The following SCN9A variants were observed in gnomAD, a reference collection of about 807,000 sequenced individuals.
The protein encoded by SCN9A is sodium channel protein type 9 subunit alpha.
In SCN9A, 131 loss-of-function variants were observed where a neutral mutation model predicts 187.0. The observed-to-expected ratio is 0.70, with a 90% confidence interval of 0.61 to 0.81. The LOEUF (loss-of-function observed/expected upper bound fraction) is 0.81. Ranked by LOEUF, SCN9A falls within the 30% of genes least tolerant of loss-of-function variation. The pLI is 0.00. For missense variants in SCN9A, 2,252 were observed against 2,396.6 expected (o/e 0.94, Z 1.26); for synonymous variants, 809 against 808.6 (o/e 1.00, Z -0.01).
rs1695615709 is a variant in SCN9A, at chr2:166,242,594, A to G, written c.3535T>C (p.Trp1179Arg). ...NIESGKGKIW[W>R]NIRKTCYKIV... ...TTGTAGCAGGTTTTCCTGATGTTCC[A>G]CCAGATTTTTCCTTTCCCTGACTCT... The change falls in exon 19 of 27, where the codon TGG becomes CGG. Residue 1179 changes from tryptophan to arginine, a missense_variant. Physicochemically the swap from Trp to Arg is moderately radical, Grantham distance 101. Transcript: ENST00000642356. 6.4e-7 allele frequency: 1 copy of G among 1,561,662 alleles called. No individual in the cohort carries two copies. Among genetic ancestry groups the G allele is most frequent in the Non-Finnish European group, 8.7e-7 (1 of 1,152,384 alleles).
At chr2:166,219,256 A>T (rs1026245667) in intron 24 of SCN9A, among the ~76,000 whole-genome samples, 3 of 152,196 alleles carry the variant, frequency 2.0e-5, no homozygotes, top group Non-Finnish European at 4.4e-5. Flanking sequence ...TATTATAAAG[A>T]CACATGCACA....
rs1020237117 is a variant in SCN9A, at chr2:166,276,835, G to C, written c.2874+148C>G. 2.0e-5 allele frequency: 13 copies of C among 663,802 alleles called. No homozygotes were observed. The Admixed American group carries it at 3.7e-4, about 19-fold the overall frequency. 41.1% of individuals were successfully genotyped at this position (663,802 alleles called of 1,614,324 possible). On this transcript the variant is annotated intron_variant, in intron 16 of 26. Transcript: ENST00000642356. ...AATACAAAATTTCGTTCTCTTTCCT[G>C]TTCTTTCTTGTATTAAAATTATCAC...
chr2:166,311,628 A>G lies in SCN9A; in HGVS notation c.129T>C (p.Asp43=), dbSNP rs200826539. Residue 43 remains aspartate (D), a synonymous_variant, in exon 2 of 27, where the codon GAT becomes GAC. Coordinates refer to ENST00000642356, the MANE Select transcript of SCN9A (RefSeq NM_001365536.1). ...KEPKEEKKDD[D]EEAPKPSSDL... is the part of the protein sequence containing the mutation. ...CACTGCTTGGCTTTGGGGCTTCTTCATCATCATCTTTCTTTTCTTCTTTGG... is the reference window on the plus strand; with the variant it reads ...CACTGCTTGGCTTTGGGGCTTCTTCGTCATCATCTTTCTTTTCTTCTTTGG... The G allele has an allele frequency of 3.7e-4, 595 of 1,613,138 alleles. 3 individuals are homozygous for G. The highest frequency in any genetic ancestry group is 1.1e-3 in the South Asian group (99 of 91,044).
intron 1 of SCN9A, among the ~76,000 whole-genome samples, chr2:166,338,709 TC>T (rs1428168631): frequency 6.6e-6 from 1 of 152,208 alleles, no homozygotes; most frequent in East Asian, 1.9e-4. Context: ...TCTCTTTTTA[TC>T]TGCAACAGAA....
chr2:166,226,334 T>C (rs1574755666), intron 24 of SCN9A, among the ~76,000 whole-genome samples: 1 of 152,128 alleles, frequency 6.6e-6, no homozygotes. Flanking sequence ...AACCTATGGG[T>C]TTAACCTAAA....
At chr2:166,343,475 C>T (rs927159084) in intron 1 of SCN9A, among the ~76,000 whole-genome samples, 10 of 151,900 alleles carry the variant, frequency 6.6e-5, no homozygotes, top group African/African-American at 2.4e-4. Context: ...CAAGAGGGAA[C>T]CTTTGGTTTG....
intron 17 of SCN9A, among the ~76,000 whole-genome samples, chr2:166,264,454 C>G (rs1419671118): frequency 6.6e-6 from 1 of 151,968 alleles, no homozygotes; most frequent in Non-Finnish European, 1.5e-5. Flanking sequence ...GCATGTCTTT[C>G]TTGATTCTGA....
intron 1 of SCN9A, among the ~76,000 whole-genome samples, chr2:166,354,830 T>A (rs933831060): frequency 6.6e-6 from 1 of 152,312 alleles, no homozygotes; most frequent in African/African-American, 2.4e-5. Flanking sequence ...GTGACTAATT[T>A]GGGGTTATTA....
chr2:166,338,029 T>C (rs1332046942), intron 1 of SCN9A, among the ~76,000 whole-genome samples: 1 of 152,130 alleles, frequency 6.6e-6, no homozygotes, highest in South Asian at 2.1e-4. Context: ...GGCAGCACTC[T>C]TCCCAGGATA....
chr2:166,225,528 A>C (rs112451169), intron 24 of SCN9A, among the ~76,000 whole-genome samples: 3 of 152,134 alleles, frequency 2.0e-5, no homozygotes, highest in African/African-American at 7.2e-5. Flanking sequence ...TAAGTCACTT[A>C]ACCTCTGTGT....
rs2106335469 is a variant in SCN9A at position 166,198,696 on chromosome 2, T to A, written c.5943A>T (p.Lys1981Asn). ...TCTATTTTTTGCTTTCCTTGCTGTC[T>A]TTCCCTTTGTCTTCCTTTTCTGTTC... ...QDRTEKEDKG[K>N]DSKESKK is the part of the protein sequence containing the mutation. Residue 1981 changes from lysine (K) to asparagine (N), a missense_variant, in exon 27 of 27, where the codon AAA becomes AAT. By Grantham distance (94) the Lys-to-Asn change is moderately conservative. Around this residue, in one of 7 missense-constraint regions of SCN9A, gnomAD observed 345 missense variants for 344.6 expected, o/e 1.00. Transcript: ENST00000642356. 1 of 1,604,626 alleles carries A rather than the reference T, an allele frequency of 6.2e-7. No individual in the cohort carries two copies. The highest frequency in any genetic ancestry group is 2.2e-5 in the East Asian group (1 of 44,806).
At chr2:166,340,541 CCTTTCTTTCTTTCTTTCTTTCTTTCTTT>C (rs201511761) in intron 1 of SCN9A, among the ~76,000 whole-genome samples, 7 of 67,852 alleles carry the variant, frequency 1.0e-4, no homozygotes, top group South Asian at 4.1e-4. Flanking sequence ...CTTTTCTTTC[CCTTTCTTTCTTTCTTTCTTTCTTTCTTT>C]CTTTCTTTCT....
At chr2:166,319,159 C>A (rs146213117) in intron 1 of SCN9A, among the ~76,000 whole-genome samples, 13 of 151,872 alleles carry the variant, frequency 8.6e-5, no homozygotes, top group African/African-American at 3.1e-4. Context: ...ATTTCCTTAG[C>A]CATAATTGAC....
intron 1 of SCN9A, among the ~76,000 whole-genome samples, chr2:166,332,305 C>T (rs1340326595): frequency 6.6e-6 from 1 of 152,128 alleles, no homozygotes; most frequent in African/African-American, 2.4e-5. Context: ...CTCTAGTTTC[C>T]CAAAGCCTTC....
Position 166,199,142 on chromosome 2 carries a change from C to CA in SCN9A, c.5496dup (p.Gly1833TrpfsTer2). 1 of 1,614,178 alleles carries CA rather than the reference C, an allele frequency of 6.2e-7. No homozygotes were observed. The highest frequency in any genetic ancestry group is 8.5e-7 in the Non-Finnish European group (1 of 1,180,038). On this transcript the variant is annotated frameshift_variant, in exon 27 of 27. Transcript: ENST00000642356. LOFTEE classifies it high-confidence loss of function. Reference sequence around the variant, plus strand: ...ATGTCAAGACAATGGATCCGGTCACCACTAACCATGGGCAGATCCATGGCA... The same window carrying CA: ...ATGTCAAGACAATGGATCCGGTCACCAACTAACCATGGGCAGATCCATGGCA...
rs1211523310 is a variant in SCN9A at position 166,197,536 on chromosome 2, C to G, written c.*1136G>C. On this transcript the variant is annotated 3_prime_UTR_variant, in exon 27 of 27. Transcript: ENST00000642356. ...CTATTTCAATGCTTTTTTATTCATA[C>G]TAAACACATATCTGTGTAAAGTCTG... is the stretch of plus-strand genomic sequence containing the variant. The G allele has an allele frequency of 6.7e-6, 1 of 150,142 alleles. No homozygotes were observed. Among genetic ancestry groups the G allele is most frequent in the Non-Finnish European group, 1.5e-5 (1 of 67,472 alleles). The allele number at this position is 150,142 out of a possible 1,614,324, so 9.3% of individuals were successfully genotyped here.
chr2:166,279,510 A>G (rs954786918), intron 14 of SCN9A, among the ~76,000 whole-genome samples: 3 of 152,160 alleles, frequency 2.0e-5, no homozygotes, highest in Admixed American at 6.6e-5. Flanking sequence ...AGCACTGTAC[A>G]TTTTAGAGAT....
Position 166,198,609 on chromosome 2 carries a change from G to A in SCN9A, c.*63C>T. 1 of 1,268,826 alleles carries A rather than the reference G, an allele frequency of 7.9e-7. No homozygotes were observed. The highest frequency in any genetic ancestry group is 1.1e-6 in the Non-Finnish European group (1 of 928,272). The allele number at this position is 1,268,826 out of a possible 1,614,324, so 78.6% of individuals were successfully genotyped here. A position where few individuals can be genotyped will look rare whatever the true frequency, so the allele number is the denominator to read the frequency against. ...GATTTTGGCATAGACTTCCTCAAAA[G>A]AGTTTTATTAACACAAATAAATCAC... On this transcript the variant is annotated 3_prime_UTR_variant, in exon 27 of 27. Coordinates refer to ENST00000642356, the MANE Select transcript of SCN9A (RefSeq NM_001365536.1).
At chr2:166,301,021 C>T (rs907394610) in intron 7 of SCN9A, 2 of 150,356 alleles carry the variant, frequency 1.3e-5, no homozygotes, top group African/African-American at 2.5e-5. Context: ...TCTCCTGCCT[C>T]AGCCTCCTGA....
Sources: gnomAD v4.1 joint callset for allele counts (sites outside exome capture counted in the v4.1 genomes callset) on GRCh38, gnomAD v4.1.1 for gene constraint, gnomAD v4.1.1 regional missense constraint, MANE v1.5 for transcripts, NCBI Gene and HGNC (gene_info 2026-07-23, HGNC 2026-07-21) for gene names.